TRA2B: variants seen among roughly 807,000 people sequenced by gnomAD.
TRA2B encodes the protein transformer-2 protein homolog beta.
In TRA2B, 14 loss-of-function variants were observed where a neutral mutation model predicts 41.7. The observed-to-expected ratio is 0.34, with a 90% confidence interval of 0.22 to 0.53. TRA2B has a LOEUF of 0.53. Ranked by LOEUF, TRA2B falls within the 20% of genes least tolerant of loss-of-function variation. The pLI, the probability that TRA2B is intolerant of heterozygous loss-of-function variation, is 0.95. For synonymous variants in TRA2B, 130 were observed against 128.8 expected, an observed-to-expected ratio of 1.01 and a Z score of -0.06; for missense variants, 167 against 396.8, an observed-to-expected ratio of 0.42 and a Z score of 4.92.
In TRA2B at chr3:185,925,532, C is replaced by G. The variant is rs774275773; in HGVS notation, c.265G>C (p.Asp89His). Residue 89 changes from aspartate to histidine, a missense_variant, in exon 3 of 9, where the codon GAT becomes CAT. By Grantham distance (81) the Asp-to-His change is moderately conservative (BLOSUM62 -1). Transcript: ENST00000453386. ...RRSRSRSYSR[D>H]YRRRHSHSHS... ...CTGTGGCTGTGCCGTCTACGATAAT[C>G]TCGACTGTAAGACCTGCTACGTGAT... is the stretch of plus-strand genomic sequence containing the variant. 6.2e-7 allele frequency: 1 copy of G among 1,614,206 alleles called. No individual in the cohort carries two copies. The highest frequency in any genetic ancestry group is 1.1e-5 in the South Asian group (1 of 91,080).
chr3:185,935,378 G>A, intron 1 of TRA2B: 1 of 985,422 alleles, frequency 1.0e-6, no homozygotes, highest in Non-Finnish European at 1.2e-6. Flanking sequence ...GACCAACGAG[G>A]GATGAGGGAC....
chr3:185,921,230 G>A, intron 5 of TRA2B, 43 bp from the exon 6 acceptor site: 1 of 1,571,440 alleles, frequency 6.4e-7, no homozygotes, highest in South Asian at 1.1e-5. Flanking sequence ...TTATCTTTCT[G>A]GACATGAGTT....
Position 185,914,676 on chromosome 3 carries a change from TG to T in TRA2B, c.*3038del, listed in dbSNP as rs903791648. On this transcript the variant is annotated 3_prime_UTR_variant, in exon 9 of 9. Coordinates refer to ENST00000453386, the MANE Select transcript of TRA2B (RefSeq NM_004593.3). ...AGCATTCTGGCTTTTTGATGACATT[TG>T]GCATAAGCTAGCATTAAGTCCAATC... Among the ~76,000 whole-genome samples the T allele has an allele frequency of 2.0e-5, 3 of 152,172 alleles. No individual in the cohort carries two copies. The highest frequency in any genetic ancestry group is 7.2e-5 in the African/African-American group (3 of 41,446).
intron 1 of TRA2B, chr3:185,927,003 G>A (rs914001018): frequency 2.4e-5 from 9 of 369,440 alleles, no homozygotes; most frequent in Non-Finnish European, 3.6e-5. Context: ...CCAAAGTCAA[G>A]CAGTTAAGGG....
chr3:185,925,689 G>C (rs975137386), intron 2 of TRA2B, 63 bp from the exon 3 acceptor site: 4 of 1,488,728 alleles, frequency 2.7e-6, no homozygotes, highest in Non-Finnish European at 3.6e-6. Flanking sequence ...TTATTACTCT[G>C]TTCTAAAGTT....
chr3:185,930,584 C>T (rs1163299177), intron 1 of TRA2B, among the ~76,000 whole-genome samples: 3 of 152,130 alleles, frequency 2.0e-5, no homozygotes, highest in Non-Finnish European at 4.4e-5. Flanking sequence ...GGTAGAAAAC[C>T]GCTGGCTGAC....
intron 8 of TRA2B, 109 bp downstream of exon 8, chr3:185,918,256 T>C (rs1337967770): frequency 6.7e-6 from 5 of 741,146 alleles, no homozygotes; most frequent in East Asian, 2.7e-5. Context: ...TGGAGAATCA[T>C]TAGGTATGAA....
rs1268335694 is a variant in TRA2B, at chr3:185,917,490, C to T, written c.*225G>A. ...AATTTAGACTGTAAAAAAATACATGCAAAACATACTTTTCTGAAAACACTT... is the reference window on the plus strand; with the variant it reads ...AATTTAGACTGTAAAAAAATACATGTAAAACATACTTTTCTGAAAACACTT... On this transcript the variant is annotated 3_prime_UTR_variant, in exon 9 of 9. Coordinates refer to ENST00000453386, the MANE Select transcript of TRA2B (RefSeq NM_004593.3). 4.1e-6 allele frequency: 2 copies of T among 484,096 alleles called. No homozygotes were observed. The highest frequency in any genetic ancestry group is 7.4e-6 in the Non-Finnish European group (2 of 269,096). 30.0% of individuals were successfully genotyped at this position (484,096 alleles called of 1,614,324 possible). A position where few individuals can be genotyped will look rare whatever the true frequency, so the allele number is the denominator to read the frequency against.
intron 1 of TRA2B, chr3:185,931,513 TAAAC>T: frequency 9.2e-7 from 1 of 1,088,024 alleles, no homozygotes; most frequent in Non-Finnish European, 1.1e-6. Context: ...TTTCCTCTAT[TAAAC>T]AAATAATGCA....
intron 1 of TRA2B, chr3:185,928,089 C>G (rs533962011): frequency 1.3e-4 from 20 of 152,150 alleles, no homozygotes; most frequent in Non-Finnish European, 2.6e-4. Flanking sequence ...CTTGAAAGGA[C>G]AGTAGAGGAT....
chr3:185,917,712 G>A lies in TRA2B; in HGVS notation c.*3C>T. 1 of 1,613,222 alleles carries A rather than the reference G, an allele frequency of 6.2e-7. No homozygotes were observed. The highest frequency in any genetic ancestry group is 8.5e-7 in the Non-Finnish European group (1 of 1,179,442). ...AGGGCAGGTTTCAGAAAGTCTTCAT[G>A]CTTTAATAGCGACCTGGGAAGAAAA... On this transcript the variant is annotated 3_prime_UTR_variant, in exon 9 of 9. Transcript: ENST00000453386.
Position 185,936,609 on chromosome 3 carries a change from T to C in TRA2B, c.36+1216A>G, listed in dbSNP as rs539787022. The C allele has an allele frequency of 2.3e-4, 227 of 985,128 alleles. 1 individual carries two copies. In the African/African-American group the frequency reaches 3.9e-3, roughly 17 times the overall value. 61.0% of individuals were successfully genotyped at this position (985,128 alleles called of 1,614,324 possible). A position where few individuals can be genotyped will look rare whatever the true frequency, so the allele number is the denominator to read the frequency against. ...TGCTAAGACATTTAATAGTCTTATT[T>C]ACCTGATAAATCATATTCAGATCTT... On this transcript the variant is annotated intron_variant, in intron 1 of 8. Transcript: ENST00000453386.
intron 7 of TRA2B, 106 bp from the exon 8 acceptor site, chr3:185,918,544 G>T: frequency 1.5e-6 from 1 of 649,842 alleles, no homozygotes. Flanking sequence ...CCCCAAAAAA[G>T]GAAAGCTGCA....
intron 4 of TRA2B, chr3:185,923,511 A>G: frequency 4.2e-6 from 1 of 238,414 alleles, no homozygotes; most frequent in Non-Finnish European, 8.0e-6. Context: ...GTTATTTTTG[A>G]CTCTAGAATG....
chr3:185,926,871 A>G lies in TRA2B; in HGVS notation c.37-137T>C, dbSNP rs2150115691. On this transcript the variant is annotated intron_variant, in intron 1 of 8. Coordinates refer to ENST00000453386, the MANE Select transcript of TRA2B (RefSeq NM_004593.3). ...AAATATAGGTAAGGGCAGGAACTGA[A>G]TATACCTGGTGTTAATAGTTTCATT... The G allele has an allele frequency of 4.0e-6, 4 of 987,816 alleles. No individual in the cohort carries two copies. In the South Asian group the frequency reaches 6.6e-5, roughly 16 times the overall value. 61.2% of individuals were successfully genotyped at this position (987,816 alleles called of 1,614,324 possible).
At chr3:185,935,327 AATCT>A (rs1277451776) in intron 1 of TRA2B, 3 of 984,332 alleles carry the variant, frequency 3.0e-6, no homozygotes, top group African/African-American at 3.5e-5. Flanking sequence ...TTTTAGTGTT[AATCT>A]ATTACCTTTG....
At chr3:185,937,431 G>A (rs1744407092) in intron 1 of TRA2B, 1 of 1,026,680 alleles carries the variant, frequency 9.7e-7, no homozygotes, top group Non-Finnish European at 1.2e-6. Flanking sequence ...CCGCCATTTT[G>A]TGCCTCTGGC....
At chr3:185,922,823 C>T (rs1743792220) in intron 4 of TRA2B, 1 of 152,204 alleles carries the variant, frequency 6.6e-6, no homozygotes, top group Non-Finnish European at 1.5e-5. Flanking sequence ...GAGGAAACAT[C>T]CTTTCACCTA....
intron 2 of TRA2B, 115 bp from the exon 3 acceptor site, chr3:185,925,741 G>C: frequency 9.4e-7 from 1 of 1,059,776 alleles, no homozygotes; most frequent in Non-Finnish European, 1.3e-6. Context: ...TGCTAACATG[G>C]TTACCAATTT....
Sources: gnomAD v4.1 joint callset for allele counts (sites outside exome capture counted in the v4.1 genomes callset) on GRCh38, gnomAD v4.1.1 for gene constraint, MANE v1.5 for transcripts, NCBI Gene and HGNC (gene_info 2026-07-23, HGNC 2026-07-21) for gene names.